Variants in DOCK10 observed in about 807,000 individuals in gnomAD.
DOCK10 encodes dedicator of cytokinesis 10.
In DOCK10, 145 loss-of-function variants were observed where a neutral mutation model predicts 280.1. The ratio of observed to expected loss-of-function variants is 0.52; its 90% confidence interval spans 0.45 to 0.59. DOCK10 has a LOEUF of 0.59. DOCK10 is among the 20% of genes least tolerant of loss of function. DOCK10 has a pLI of 0.00. For missense variants in DOCK10, 2,368 were observed against 2,651.7 expected (o/e 0.89, Z 2.35); for synonymous variants, 915 against 942.2 (o/e 0.97, Z 0.53).
intron 1 of DOCK10, among the ~76,000 whole-genome samples, chr2:225,039,545 T>C (rs1055389054): frequency 1.3e-5 from 2 of 152,210 alleles, no homozygotes; most frequent in Non-Finnish European, 2.9e-5. Context: ...GGGTAAAAAC[T>C]GACATCAAAT....
chr2:224,978,560 T>C (rs1007782888), intron 1 of DOCK10, among the ~76,000 whole-genome samples: 8 of 152,146 alleles, frequency 5.3e-5, no homozygotes, highest in Non-Finnish European at 1.2e-4. Flanking sequence ...GAAAAATATG[T>C]GATCAGCAAG....
chr2:224,828,609 T>G (rs193059220), intron 27 of DOCK10, among the ~76,000 whole-genome samples: 1 of 152,216 alleles, frequency 6.6e-6, no homozygotes, highest in Admixed American at 6.5e-5. Flanking sequence ...TCAGGGGTGT[T>G]TCCCATCTGT....
intron 1 of DOCK10, among the ~76,000 whole-genome samples, chr2:224,974,160 T>C (rs1705262814): frequency 6.6e-6 from 1 of 152,200 alleles, no homozygotes; most frequent in South Asian, 2.1e-4. Context: ...GCAGCAGCAG[T>C]CTATTGTCAT....
intron 1 of DOCK10, among the ~76,000 whole-genome samples, chr2:224,941,578 T>C (rs981453181): frequency 4.6e-5 from 7 of 152,080 alleles, no homozygotes; most frequent in Non-Finnish European, 1.0e-4. Flanking sequence ...GTGTGGTAGC[T>C]CACGTCTGTA....
chr2:224,950,523 T>G (rs1256497264), intron 1 of DOCK10, among the ~76,000 whole-genome samples: 1 of 152,204 alleles, frequency 6.6e-6, no homozygotes, highest in Non-Finnish European at 1.5e-5. Flanking sequence ...CCCACCGTCT[T>G]AGCCAGAAGG....
chr2:224,804,223 A>C lies in DOCK10; in HGVS notation c.4167-10T>G, dbSNP rs767505934. 4.4e-6 allele frequency: 7 copies of C among 1,573,944 alleles called. No homozygotes were observed. The highest frequency in any genetic ancestry group is 6.1e-6 in the Non-Finnish European group (7 of 1,146,910). On this transcript the variant is annotated splice_polypyrimidine_tract_variant and intron_variant, in intron 38 of 55. Transcript: ENST00000258390. The stretch of plus-strand genomic sequence containing the variant: ...TGCAGCAGCAATTTTTCTGCAATGA[A>C]AATGGAAGTTTTAATCATAGCTCAG...
intron 1 of DOCK10, among the ~76,000 whole-genome samples, chr2:224,936,016 A>C (rs1274780160): frequency 6.6e-6 from 1 of 152,152 alleles, no homozygotes; most frequent in African/African-American, 2.4e-5. Context: ...GCTAGTGGAG[A>C]TTATACCCAA....
intron 1 of DOCK10, among the ~76,000 whole-genome samples, chr2:224,993,961 A>C (rs1401592098): frequency 6.6e-6 from 1 of 152,208 alleles, no homozygotes; most frequent in Non-Finnish European, 1.5e-5. Flanking sequence ...TATCTTAGGC[A>C]GTCTTGATAA....
At chr2:224,938,945 C>A (rs1048057639) in intron 1 of DOCK10, among the ~76,000 whole-genome samples, 2 of 152,204 alleles carry the variant, frequency 1.3e-5, no homozygotes, top group Non-Finnish European at 2.9e-5. Context: ...CTTACACTAA[C>A]CCTTTAACCT....
At chr2:225,018,588 GTAATATTA>G (rs1253240191) in intron 1 of DOCK10, among the ~76,000 whole-genome samples, 349 of 19,816 alleles carry the variant, frequency 0.018, 86 homozygotes, top group African/African-American at 0.043. Flanking sequence ...TAATATATAT[GTAATATTA>G]TATATATATA....
intron 31 of DOCK10, among the ~76,000 whole-genome samples, chr2:224,810,946 C>T (rs922224027): frequency 1.3e-5 from 2 of 152,022 alleles, no homozygotes; most frequent in African/African-American, 4.8e-5. Flanking sequence ...AATAAACATA[C>T]GTGTGCATGT....
intron 50 of DOCK10, among the ~76,000 whole-genome samples, chr2:224,785,770 C>T (rs1691692583): frequency 6.6e-6 from 1 of 152,188 alleles, no homozygotes; most frequent in Non-Finnish European, 1.5e-5. Flanking sequence ...TGAGCCATGG[C>T]GCCCAGCCCA....
chr2:224,900,285 A>G (rs1408286884), intron 3 of DOCK10, among the ~76,000 whole-genome samples: 1 of 152,128 alleles, frequency 6.6e-6, no homozygotes, highest in Admixed American at 6.5e-5. Flanking sequence ...AGTAAAAAAA[A>G]AAACACAAAA....
Position 224,886,888 on chromosome 2 carries a change from A to ACCCCC in DOCK10, c.417-362_417-358dup, listed in dbSNP as rs200245451. ...TCATGCTGCATGCAGCACCCCCAACACCCCCCCAAGTAGTACCTGGGATTA... is the reference window on the plus strand; with the variant it reads ...TCATGCTGCATGCAGCACCCCCAACACCCCCCCCCCCCAAGTAGTACCTGGGATTA... On this transcript the variant is annotated intron_variant, in intron 4 of 55. Coordinates refer to ENST00000258390, the MANE Select transcript of DOCK10 (RefSeq NM_014689.3). 4.5e-4 allele frequency among the ~76,000 whole-genome samples: 64 copies of ACCCCC among 142,520 alleles called. 1 individual carries two copies. The highest frequency in any genetic ancestry group is 1.1e-3 in the African/African-American group (39 of 35,064). The allele number at this position is 142,520 out of a possible 152,430, so 93.5% of individuals were successfully genotyped here. A position where few individuals can be genotyped will look rare whatever the true frequency, so the allele number is the denominator to read the frequency against.
chr2:224,829,862 G>A (rs535654960), intron 27 of DOCK10, among the ~76,000 whole-genome samples: 1 of 152,132 alleles, frequency 6.6e-6, no homozygotes, highest in Non-Finnish European at 1.5e-5. Flanking sequence ...TTCCATCAGG[G>A]TCCCTCTTCT....
chr2:224,988,799 G>A (rs996533740), intron 1 of DOCK10, among the ~76,000 whole-genome samples: 6 of 152,134 alleles, frequency 3.9e-5, no homozygotes, highest in Non-Finnish European at 5.9e-5. Context: ...TTTGATAAAC[G>A]AATTTTTTTA....
intron 3 of DOCK10, among the ~76,000 whole-genome samples, chr2:224,905,974 TC>T (rs1423250687): frequency 6.6e-6 from 1 of 152,106 alleles, no homozygotes; most frequent in Non-Finnish European, 1.5e-5. Flanking sequence ...TTTCCTGTGC[TC>T]CAGACCTATG....
intron 1 of DOCK10, among the ~76,000 whole-genome samples, chr2:224,944,907 A>T (rs1703307687): frequency 6.6e-6 from 1 of 152,246 alleles, no homozygotes; most frequent in Non-Finnish European, 1.5e-5. Context: ...ATTTGAATGC[A>T]TTGCTAACTG....
intron 46 of DOCK10, 85 bp from the exon 47 acceptor site, chr2:224,793,157 A>G (rs1292245130): frequency 9.4e-7 from 1 of 1,062,790 alleles, no homozygotes; most frequent in African/African-American, 1.6e-5. Context: ...TTAGCCAATG[A>G]TGCATTCTCG....
Sources: gnomAD v4.1 joint callset for allele counts (sites outside exome capture counted in the v4.1 genomes callset) on GRCh38, gnomAD v4.1.1 for gene constraint, MANE v1.5 for transcripts, NCBI Gene and HGNC (gene_info 2026-07-23, HGNC 2026-07-21) for gene names.